INPP4B: variants seen among roughly 807,000 people sequenced by gnomAD.
The protein encoded by INPP4B is inositol polyphosphate 4-phosphatase type II.
INPP4B carries 55 observed loss-of-function variants against 122.5 expected under a neutral mutation model. The observed-to-expected ratio is 0.45, with a 90% CI of 0.36 to 0.56. The LOEUF is 0.56. Ranked by LOEUF, INPP4B falls within the 20% of genes least tolerant of loss-of-function variation. The probability of loss-of-function intolerance (pLI) is 0.00; values close to 1 mark genes in which losing one functional copy is unlikely to be tolerated. For missense variants in INPP4B, 1,000 were observed against 1,097.7 expected (o/e 0.91, Z 1.26); for synonymous variants, 403 against 388.7 (o/e 1.04, Z -0.43).
At chr4:142,156,293 A>G (rs1305605320) in intron 17 of INPP4B, among the ~76,000 whole-genome samples, 4 of 152,104 alleles carry the variant, frequency 2.6e-5, no homozygotes, top group Non-Finnish European at 4.4e-5. Flanking sequence ...AGTAATTTTG[A>G]AATTAAATCA....
chr4:142,593,904 A>C (rs2150260150), intron 2 of INPP4B, among the ~76,000 whole-genome samples: 1 of 152,078 alleles, frequency 6.6e-6, no homozygotes. Flanking sequence ...ACAGGATCAC[A>C]CTTTAAATGG....
At chr4:142,709,321 G>C (rs1447138056) in intron 2 of INPP4B, among the ~76,000 whole-genome samples, 1 of 152,120 alleles carries the variant, frequency 6.6e-6, no homozygotes, top group Non-Finnish European at 1.5e-5. Flanking sequence ...TTAAGGCTTT[G>C]GGGGACTGTT....
At chr4:142,839,984 C>T (rs113785013) in intron 1 of INPP4B, among the ~76,000 whole-genome samples, 285 of 152,292 alleles carry the variant, frequency 1.9e-3, no homozygotes, top group Non-Finnish European at 2.2e-3. Flanking sequence ...ATACAGAGAT[C>T]GCATTCTGAT....
intron 2 of INPP4B, among the ~76,000 whole-genome samples, chr4:142,512,903 G>A (rs1824926407): frequency 6.6e-6 from 1 of 152,030 alleles, no homozygotes; most frequent in African/African-American, 2.4e-5. Flanking sequence ...CACCACCACG[G>A]TAACTATATT....
At chr4:142,150,318 A>T (rs1459703628) in intron 17 of INPP4B, among the ~76,000 whole-genome samples, 5 of 152,190 alleles carry the variant, frequency 3.3e-5, no homozygotes, top group Non-Finnish European at 5.9e-5. Context: ...GCCCCTCCAG[A>T]TCCTGCTTAG....
chr4:142,148,647 A>C (rs896203177), intron 17 of INPP4B, among the ~76,000 whole-genome samples: 1 of 152,224 alleles, frequency 6.6e-6, no homozygotes, highest in Non-Finnish European at 1.5e-5. Context: ...TTAAAAGATA[A>C]TTTGACATTC....
At chr4:142,826,157 A>G (rs979007317) in intron 1 of INPP4B, among the ~76,000 whole-genome samples, 2 of 152,126 alleles carry the variant, frequency 1.3e-5, no homozygotes, top group Non-Finnish European at 1.5e-5. Flanking sequence ...CGGTAATCAC[A>G]TCTTTCTTTT....
rs150797757 is a variant in INPP4B at position 142,837,159 on chromosome 4, AAATAAT to A, written c.-254+9044_-254+9049del. ...TGACAAGAGGGAAACACAGTCTCAA[AAATAAT>A]AATAATAATAATAATAATAATAAAG... On this transcript the variant is annotated intron_variant, in intron 1 of 25. Transcript: ENST00000262992. 6.0e-5 allele frequency among the ~76,000 whole-genome samples: 9 copies of A among 149,068 alleles called. No individual in the cohort carries two copies. The East Asian group carries it at 9.7e-4, about 16-fold the overall frequency.
At chr4:142,730,854 T>C (rs981648406) in intron 1 of INPP4B, among the ~76,000 whole-genome samples, 1 of 152,248 alleles carries the variant, frequency 6.6e-6, no homozygotes, top group African/African-American at 2.4e-5. Flanking sequence ...ATTAAATATC[T>C]ATTAATGTAG....
At chr4:142,639,428 A>G (rs1749891243) in intron 2 of INPP4B, among the ~76,000 whole-genome samples, 1 of 152,138 alleles carries the variant, frequency 6.6e-6, no homozygotes, top group African/African-American at 2.4e-5. Flanking sequence ...AGGTTTATTC[A>G]GATTGTCTAT....
chr4:142,466,278 T>C (rs1817758247), intron 2 of INPP4B, among the ~76,000 whole-genome samples: 1 of 152,158 alleles, frequency 6.6e-6, no homozygotes, highest in Admixed American at 6.5e-5. Flanking sequence ...AGATCTCACA[T>C]GAAAATGGGA....
intron 7 of INPP4B, among the ~76,000 whole-genome samples, chr4:142,343,929 A>G (rs1257987753): frequency 6.7e-6 from 1 of 150,000 alleles, no homozygotes; most frequent in Non-Finnish European, 1.5e-5. Flanking sequence ...AATTAGCACA[A>G]ATATTAATAT....
intron 5 of INPP4B, among the ~76,000 whole-genome samples, chr4:142,412,326 T>A (rs1804778846): frequency 6.6e-6 from 1 of 152,140 alleles, no homozygotes; most frequent in Admixed American, 6.6e-5. Flanking sequence ...CTATTTTTAA[T>A]CTCCTTTGCC....
chr4:142,559,248 C>T (rs1482325775), intron 2 of INPP4B, among the ~76,000 whole-genome samples: 2 of 152,126 alleles, frequency 1.3e-5, no homozygotes, highest in African/African-American at 4.8e-5. Context: ...AATGGCAGTG[C>T]ATTCATCAAA....
At chr4:142,735,878 C>T (rs930620450) in intron 1 of INPP4B, among the ~76,000 whole-genome samples, 9 of 150,904 alleles carry the variant, frequency 6.0e-5, no homozygotes, top group South Asian at 4.2e-4. Context: ...TAATTATTAT[C>T]GCCTAGGAGT....
intron 2 of INPP4B, chr4:142,497,017 T>A (rs1580212669): frequency 6.6e-6 from 1 of 152,132 alleles, no homozygotes; most frequent in East Asian, 1.9e-4. Flanking sequence ...ATAATCAGAA[T>A]AAGATGAATC....
intron 2 of INPP4B, among the ~76,000 whole-genome samples, chr4:142,476,477 T>G (rs1447434645): frequency 6.6e-6 from 1 of 152,032 alleles, no homozygotes; most frequent in African/African-American, 2.4e-5. Flanking sequence ...GCTCAAACCT[T>G]AAATGTAAAT....
At chr4:142,382,506 CA>C (rs1362173684) in intron 7 of INPP4B, among the ~76,000 whole-genome samples, 1 of 143,510 alleles carries the variant, frequency 7.0e-6, no homozygotes. Context: ...GACTCCGTTT[CA>C]AAAAAAACAA....
chr4:142,545,752 T>TACACACATGTGTGTATATATATAC (rs1252029317), intron 2 of INPP4B, among the ~76,000 whole-genome samples: 2 of 141,318 alleles, frequency 1.4e-5, no homozygotes, highest in African/African-American at 5.4e-5. Context: ...TGTATATATA[T>TACACACATGTGTGTATATATATAC]ACACATGTAT....
Sources: allele counts gnomAD v4.1 joint callset (sites outside exome capture counted in the v4.1 genomes callset), GRCh38; gene constraint gnomAD v4.1.1; transcripts MANE v1.5; gene names NCBI Gene and HGNC (gene_info 2026-07-23, HGNC 2026-07-21).